XPO1: variants seen among roughly 807,000 people sequenced by gnomAD.
XPO1 encodes exportin 1.
In XPO1, 5 loss-of-function variants were observed where a neutral mutation model predicts 133.3. The ratio of observed to expected loss-of-function variants is 0.04; its 90% CI spans 0.02 to 0.08. The LOEUF (loss-of-function observed/expected upper bound fraction) is 0.08, where lower values mean the gene tolerates loss of function less well. Ranked by LOEUF, XPO1 falls within the 10% of genes least tolerant of loss-of-function variation. XPO1 has a pLI of 1.00. For synonymous variants in XPO1, 419 were observed against 408.2 expected (o/e 1.03, Z -0.32); for missense variants, 506 against 1,267.5 (o/e 0.40, Z 9.12).
intron 4 of XPO1, among the ~76,000 whole-genome samples, chr2:61,520,218 A>G (rs1323586488): frequency 6.6e-6 from 1 of 152,224 alleles, no homozygotes; most frequent in Non-Finnish European, 1.5e-5. Flanking sequence ...AGGAAATAAA[A>G]TGTTTTAAAT....
intron 3 of XPO1, 80 bp downstream of exon 3, chr2:61,526,340 T>C: frequency 2.0e-6 from 3 of 1,509,364 alleles, no homozygotes; most frequent in Non-Finnish European, 2.6e-6. Flanking sequence ...CAAATGCTAA[T>C]ACTAAAAATG....
chr2:61,517,723 C>T (rs1698461685), intron 4 of XPO1, among the ~76,000 whole-genome samples: 1 of 152,152 alleles, frequency 6.6e-6, no homozygotes, highest in African/African-American at 2.4e-5. Flanking sequence ...CTGCTTTAAA[C>T]CCAGGAGTTT....
intron 19 of XPO1, among the ~76,000 whole-genome samples, chr2:61,487,893 C>G (rs1696775976): frequency 6.6e-6 from 1 of 152,156 alleles, no homozygotes; most frequent in African/African-American, 2.4e-5. Flanking sequence ...TTAAATCCTC[C>G]TAACCTATCT....
intron 3 of XPO1, chr2:61,525,882 G>A (rs1698887149): frequency 2.9e-6 from 3 of 1,046,748 alleles, no homozygotes; most frequent in East Asian, 5.6e-5. Flanking sequence ...AAAGAGAAGC[G>A]TGAATCATCA....
intron 2 of XPO1, among the ~76,000 whole-genome samples, chr2:61,532,471 A>T (rs1020080437): frequency 1.3e-5 from 2 of 152,076 alleles, no homozygotes; most frequent in Admixed American, 1.3e-4. Flanking sequence ...TCTTGACAAT[A>T]TAAGTAACCT....
intron 2 of XPO1, among the ~76,000 whole-genome samples, chr2:61,529,386 C>A (rs1206819747): frequency 6.6e-6 from 1 of 152,094 alleles, no homozygotes; most frequent in Non-Finnish European, 1.5e-5. Flanking sequence ...GGGTGGGCAC[C>A]GTGGCTCACG....
At chr2:61,521,625 G>A (rs1161850714) in intron 4 of XPO1, among the ~76,000 whole-genome samples, 3 of 152,154 alleles carry the variant, frequency 2.0e-5, no homozygotes, top group Non-Finnish European at 4.4e-5. Context: ...TTCATTTTCT[G>A]ATCTTTCTTC....
chr2:61,480,292 T>TTTG, intron 24 of XPO1: 1 of 151,092 alleles, frequency 6.6e-6, no homozygotes, highest in Admixed American at 6.6e-5. Context: ...TTTTTTTTTT[T>TTTG]TTTTGAGATG....
intron 4 of XPO1, among the ~76,000 whole-genome samples, chr2:61,503,464 G>A (rs1051489574): frequency 6.6e-5 from 10 of 151,068 alleles, no homozygotes; most frequent in African/African-American, 2.4e-4. Context: ...TCGCTCTGTC[G>A]CCCAGGCTGG....
At chr2:61,535,242 C>A (rs975250460) in intron 1 of XPO1, among the ~76,000 whole-genome samples, 1 of 152,194 alleles carries the variant, frequency 6.6e-6, no homozygotes, top group African/African-American at 2.4e-5. Flanking sequence ...TAGTCCTTAA[C>A]CTTTTTGGGG....
Position 61,538,189 on chromosome 2 carries a change from T to G in XPO1, c.-634A>C. On this transcript the variant is annotated 5_prime_UTR_variant, in exon 1 of 25. Coordinates refer to ENST00000401558, the MANE Select transcript of XPO1 (RefSeq NM_003400.4). ...CCGCCGCCGGGGCTGTAGCTACTGT[T>G]GCTCTTGCTGATGCTGTAGCTCCCG... is the stretch of plus-strand genomic sequence containing the variant. 1 of 222,236 alleles carries G rather than the reference T, an allele frequency of 4.5e-6. No homozygotes were observed. The highest frequency in any genetic ancestry group is 8.9e-6 in the Non-Finnish European group (1 of 111,966). The allele number at this position is 222,236 out of a possible 1,614,324, so 13.8% of individuals were successfully genotyped here.
chr2:61,536,428 A>G (rs766605704), intron 1 of XPO1: 3 of 152,266 alleles, frequency 2.0e-5, no homozygotes, highest in Non-Finnish European at 4.4e-5. Context: ...ACTGGATAAC[A>G]TACACTAGGG....
intron 22 of XPO1, 75 bp downstream of exon 22, chr2:61,482,882 C>CA (rs1217733534): frequency 1.3e-6 from 2 of 1,574,360 alleles, no homozygotes; most frequent in Non-Finnish European, 8.6e-7. Context: ...CTCGACCTCC[C>CA]AAAGTGCTGG....
In XPO1 at chr2:61,484,088, A is replaced by C. The variant is rs1227137094; in HGVS notation, c.2526T>G (p.Pro842=). The C allele has an allele frequency of 1.2e-6, 2 of 1,612,448 alleles. No individual in the cohort carries two copies. Among genetic ancestry groups the C allele is most frequent in the Admixed American group, 3.3e-5 (2 of 59,722 alleles). ...GTAAGAAAAAGTTCGTTCTATGTTC[A>C]GGATATTCTTCAAAGTCCTAAAAAT... The part of the protein sequence containing the change: ...NMINKDFEEY[P]EHRTNFFLLL... The change falls in exon 21 of 25, where the codon CCT becomes CCG. Residue 842 remains proline (P), a synonymous_variant. Coordinates refer to ENST00000401558, the MANE Select transcript of XPO1 (RefSeq NM_003400.4).
intron 10 of XPO1, 98 bp downstream of exon 10, chr2:61,496,781 T>C (rs942724376): frequency 5.6e-6 from 7 of 1,245,416 alleles, no homozygotes; most frequent in South Asian, 2.1e-5. Flanking sequence ...GATTATGGCT[T>C]ATCTTTGATA....
intron 2 of XPO1, among the ~76,000 whole-genome samples, chr2:61,530,689 TA>T (rs758693194): frequency 1.3e-5 from 2 of 151,666 alleles, no homozygotes; most frequent in Non-Finnish European, 2.9e-5. Context: ...GTCACCCTTG[TA>T]AATAATTTCT....
At position 61,510,327 on chromosome 2, in the gene XPO1, A is replaced by G. The variant is rs1268044606; in HGVS notation, c.302-8017T>C. On this transcript the variant is annotated intron_variant, in intron 4 of 24. Coordinates refer to ENST00000401558, the MANE Select transcript of XPO1 (RefSeq NM_003400.4). ...AAATCGATCTTTTGAAAGATGGTCA[A>G]TAAAATAGTGATCTGCTCTCTTTAC... Among the ~76,000 whole-genome samples, 2 of 152,202 alleles carry G rather than the reference A, an allele frequency of 1.3e-5. 1 individual carries two copies. The highest frequency in any genetic ancestry group is 4.8e-5 in the African/African-American group (2 of 41,462).
Position 61,492,062 on chromosome 2 carries a change from A to C in XPO1, c.1860T>G (p.Thr620=), listed in dbSNP as rs140996808. The C allele has an allele frequency of 6.2e-7, 1 of 1,614,076 alleles. No individual in the cohort carries two copies. The highest frequency in any genetic ancestry group is 8.5e-7 in the Non-Finnish European group (1 of 1,180,038). The change falls in exon 16 of 25, where the codon ACT becomes ACG. Residue 620 remains threonine, a synonymous_variant. Coordinates refer to ENST00000401558, the MANE Select transcript of XPO1 (RefSeq NM_003400.4). The surrounding 1 kb of genome is among the most constrained non-coding windows in gnomAD (Gnocchi z 5.6). Reference sequence around the variant, plus strand: ...GTTGAGGCTGAAGATCACAAATAATAGTGTTAATGTTGTTCAAAATTTCAT... The same window carrying C: ...GTTGAGGCTGAAGATCACAAATAATCGTGTTAATGTTGTTCAAAATTTCAT... ...FIDEILNNIN[T]IICDLQPQQV...
intron 3 of XPO1, chr2:61,525,647 T>C (rs531559210): frequency 8.8e-6 from 9 of 1,023,204 alleles, no homozygotes; most frequent in East Asian, 1.3e-4. Flanking sequence ...AACACTGTTA[T>C]GTTACTTAAG....
Sources: gnomAD v4.1 joint callset for allele counts (sites outside exome capture counted in the v4.1 genomes callset) on GRCh38, gnomAD v4.1.1 for gene constraint, Gnocchi (gnomAD v3.1) non-coding constraint, MANE v1.5 for transcripts, NCBI Gene and HGNC (gene_info 2026-07-23, HGNC 2026-07-21) for gene names.